Variants in SATB2 observed in about 807,000 individuals in gnomAD.
SATB2 encodes the protein DNA-binding protein SATB2.
A neutral mutation model predicts 73.4 loss-of-function variants in SATB2; 1 was observed. The ratio of observed to expected loss-of-function variants is 0.01; its 90% CI spans 0.00 to 0.06. The LOEUF (loss-of-function observed/expected upper bound fraction) is 0.06. Ranked by LOEUF, SATB2 falls within the 10% of genes least tolerant of loss-of-function variation. The pLI, the probability that SATB2 is intolerant of heterozygous loss-of-function variation, is 1.00. For missense variants in SATB2, 459 were observed against 945.8 expected, an observed-to-expected ratio of 0.49 and a Z score of 6.75; for synonymous variants, 397 against 367.0, an observed-to-expected ratio of 1.08 and a Z score of -0.93.
At chr2:199,355,362 A>C (rs1444646417) in intron 6 of SATB2, among the ~76,000 whole-genome samples, 7 of 148,820 alleles carry the variant, frequency 4.7e-5, no homozygotes, top group African/African-American at 9.9e-5. Flanking sequence ...ATATATATAT[A>C]TATATATATA....
upstream of SATB2, chr2:199,468,372 G>A (rs1224583020): frequency 6.6e-6 from 1 of 151,750 alleles, no homozygotes; most frequent in Admixed American, 6.6e-5. Flanking sequence ...ATCAAAGGGT[G>A]CACTTGTTTG....
At chr2:199,449,948 T>C (rs2105949328) in intron 2 of SATB2, among the ~76,000 whole-genome samples, 1 of 152,264 alleles carries the variant, frequency 6.6e-6, no homozygotes, top group African/African-American at 2.4e-5. Context: ...AACTCTTTTC[T>C]TCATTTTTTT....
intron 10 of SATB2, among the ~76,000 whole-genome samples, chr2:199,283,742 C>G (rs532741373): frequency 2.0e-5 from 3 of 151,974 alleles, no homozygotes; most frequent in Admixed American, 6.5e-5. Context: ...AAAAATGATG[C>G]CACTTTCATT....
intron 3 of SATB2, among the ~76,000 whole-genome samples, chr2:199,391,357 C>T (rs1430408164): frequency 2.1e-5 from 3 of 142,528 alleles, no homozygotes; most frequent in Non-Finnish European, 4.5e-5. Flanking sequence ...GGCGTGAACC[C>T]GGGAGGCAGA....
At chr2:199,454,965 T>A (rs1277582675) in intron 2 of SATB2, among the ~76,000 whole-genome samples, 2 of 152,086 alleles carry the variant, frequency 1.3e-5, no homozygotes, top group African/African-American at 2.4e-5. Context: ...GCAAAAAAAA[T>A]TAAACTAGTG....
At chr2:199,327,161 C>T (rs566546641) in intron 8 of SATB2, among the ~76,000 whole-genome samples, 4 of 152,130 alleles carry the variant, frequency 2.6e-5, no homozygotes, top group Non-Finnish European at 4.4e-5. Context: ...TCCATTAGGT[C>T]GGGCACGGTG....
At chr2:199,461,743 G>T (rs539959913), upstream of SATB2, among the ~76,000 whole-genome samples, 1 of 152,274 alleles carries the variant, frequency 6.6e-6, no homozygotes, top group South Asian at 2.1e-4. Flanking sequence ...CACAAACACG[G>T]ATTTGTTATT....
intron 5 of SATB2, among the ~76,000 whole-genome samples, chr2:199,378,366 T>C (rs1363304291): frequency 6.6e-6 from 1 of 152,232 alleles, no homozygotes; most frequent in Non-Finnish European, 1.5e-5. Flanking sequence ...TGTGAATGAT[T>C]GTGAAATTTG....
chr2:199,403,436 G>T (rs1329281914), intron 3 of SATB2, among the ~76,000 whole-genome samples: 1 of 151,932 alleles, frequency 6.6e-6, no homozygotes, highest in Non-Finnish European at 1.5e-5. Flanking sequence ...ACTATGAGGG[G>T]CATAAAGCAG....
chr2:199,327,167 C>T (rs1413003434), intron 8 of SATB2, among the ~76,000 whole-genome samples: 4 of 152,112 alleles, frequency 2.6e-5, no homozygotes, highest in South Asian at 2.1e-4. Context: ...AGGTCGGGCA[C>T]GGTGGCTCAT....
intron 10 of SATB2, among the ~76,000 whole-genome samples, chr2:199,276,690 C>T (rs927134910): frequency 4.6e-5 from 7 of 152,098 alleles, no homozygotes; most frequent in African/African-American, 1.2e-4. Flanking sequence ...TTATATTAAT[C>T]GAGCATCTTT....
chr2:199,452,219 C>G (rs1340377494), intron 2 of SATB2, among the ~76,000 whole-genome samples: 2 of 152,076 alleles, frequency 1.3e-5, no homozygotes, highest in African/African-American at 4.8e-5. Context: ...GCTGTTCATT[C>G]AGTTTAAATA....
chr2:199,381,824 C>T lies in SATB2; in HGVS notation c.347-4G>A, dbSNP rs776363955. On this transcript the variant is annotated splice_polypyrimidine_tract_variant and splice_region_variant and intron_variant, in intron 3 of 10. Coordinates refer to ENST00000417098, the MANE Select transcript of SATB2 (RefSeq NM_001172509.2). ...CACCTTCCCAGCTTGATTATTCCTG[C>T]ACAGGGAAGAAAAACATAATAAACA... 6 of 1,613,960 alleles carry T rather than the reference C, an allele frequency of 3.7e-6. No individual in the cohort carries two copies. In the South Asian group the frequency reaches 4.4e-5, roughly 12 times the overall value.
In SATB2 at chr2:199,464,224, C is replaced by A. The variant is rs11901490; in HGVS notation, c.-141+612G>T. ...GACTGTGACGGCGGCGACTCGGGCT[C>A]AGTTCTCCCCCACCCCGTGGTGCCT... On this transcript the variant is annotated intron_variant, in intron 1 of 11. Transcript: ENST00000260926. The surrounding 1 kb of genome is among the most constrained non-coding windows in gnomAD (Gnocchi z 6.6). Among the ~76,000 whole-genome samples, 6 of 152,140 alleles carry A rather than the reference C, an allele frequency of 3.9e-5. No homozygotes were observed. The highest frequency in any genetic ancestry group is 1.2e-4 in the African/African-American group (5 of 41,440).
chr2:199,452,419 T>C (rs1305601803), intron 2 of SATB2, among the ~76,000 whole-genome samples: 1 of 152,166 alleles, frequency 6.6e-6, no homozygotes, highest in African/African-American at 2.4e-5. Flanking sequence ...TTTTATGCTG[T>C]AAGTTGCATG....
intron 3 of SATB2, among the ~76,000 whole-genome samples, chr2:199,418,800 C>T (rs1317584424): frequency 2.3e-4 from 35 of 152,174 alleles, no homozygotes; most frequent in Non-Finnish European, 1.3e-4. Flanking sequence ...ATTCATCAGG[C>T]TGGAATCAGA....
chr2:199,445,770 T>C (rs780448731), intron 2 of SATB2, among the ~76,000 whole-genome samples: 15 of 152,206 alleles, frequency 9.9e-5, no homozygotes, highest in Admixed American at 3.9e-4. Context: ...CTAAAGGGTT[T>C]GGGGTGTTCT....
rs140532313 is a variant in SATB2 at position 199,272,230 on chromosome 2, G to C, written c.2183C>G (p.Ala728Gly). Residue 728 changes from alanine (A) to glycine (G), a missense_variant, in exon 11 of 11, where the codon GCC (alanine) becomes GGC (glycine). Around this residue, in one of 13 missense-constraint regions of SATB2, gnomAD observed 41 missense variants for 38.6 expected, o/e 1.06. Coordinates refer to ENST00000417098, the MANE Select transcript of SATB2 (RefSeq NM_001172509.2). This position sits in a 1 kb window ranked among gnomAD's most constrained non-coding sequence, Gnocchi z 6.7. ...TTCACATTATCTCTGGTCAATTTCG[G>C]CAGGTGCTGCCTTGCTTTTGTCAGC... ...ENADKSKAAP[A>G]EIDQR 1.9e-6 allele frequency: 3 copies of C among 1,613,994 alleles called. No homozygotes were observed. The African/African-American group carries it at 4.0e-5, about 22-fold the overall frequency.
intron 6 of SATB2, among the ~76,000 whole-genome samples, chr2:199,364,085 T>C (rs1209887552): frequency 4.6e-5 from 7 of 152,210 alleles, no homozygotes; most frequent in African/African-American, 1.4e-4. Flanking sequence ...GGCTGCCTTA[T>C]GGAACCAGGT....
Sources: allele counts gnomAD v4.1 joint callset (sites outside exome capture counted in the v4.1 genomes callset), GRCh38; gene constraint gnomAD v4.1.1; regional missense constraint gnomAD v4.1.1; non-coding constraint Gnocchi (gnomAD v3.1); transcripts MANE v1.5; gene names NCBI Gene and HGNC (gene_info 2026-07-23, HGNC 2026-07-21).